GPR155: variants seen among roughly 807,000 people sequenced by gnomAD.
GPR155 encodes G protein-coupled receptor 155.
GPR155 carries 65 observed loss-of-function variants against 93.1 expected under a neutral mutation model. The ratio of observed to expected loss-of-function variants is 0.70; its 90% CI spans 0.57 to 0.86. The LOEUF (loss-of-function observed/expected upper bound fraction) is 0.86. GPR155 is among the 40% of genes least tolerant of loss of function. The probability of loss-of-function intolerance (pLI) is 0.00; values close to 1 mark genes in which losing one functional copy is unlikely to be tolerated. For synonymous variants in GPR155, 319 were observed against 360.1 expected (o/e 0.89, Z 1.29); for missense variants, 838 against 1,034.8 (o/e 0.81, Z 2.61).
In GPR155 at chr2:174,435,098, A is replaced by G. The variant is rs144744235; in HGVS notation, c.*1018T>C. The G allele has an allele frequency of 2.2e-4, 33 of 152,356 alleles. No homozygotes were observed. Among genetic ancestry groups the G allele is most frequent in the African/African-American group, 7.5e-4 (31 of 41,592 alleles). The allele number at this position is 152,356 out of a possible 1,614,324, so 9.4% of individuals were successfully genotyped here. ...ATACACTTGCCAAATTTGATAATTTATAGGAACAGTTAATAGGATATTAAT... is the reference window on the plus strand; with the variant it reads ...ATACACTTGCCAAATTTGATAATTTGTAGGAACAGTTAATAGGATATTAAT... On this transcript the variant is annotated 3_prime_UTR_variant, in exon 16 of 16. Coordinates refer to ENST00000392552, the MANE Select transcript of GPR155 (RefSeq NM_152529.7).
rs546424754 is a variant in GPR155, at chr2:174,434,533, T to C, written c.*1583A>G. On this transcript the variant is annotated 3_prime_UTR_variant, in exon 16 of 16. Transcript: ENST00000392552. ...TGGAGGTTCTTATTCCTTTCCTTAATGGCATAGATTAGTAATTTGGGTAGA... is the reference window on the plus strand; with the variant it reads ...TGGAGGTTCTTATTCCTTTCCTTAACGGCATAGATTAGTAATTTGGGTAGA... The C allele has an allele frequency of 1.1e-4, 17 of 152,192 alleles. No individual in the cohort carries two copies. Among genetic ancestry groups the C allele is most frequent in the African/African-American group, 3.4e-4 (14 of 41,546 alleles). 9.4% of individuals were successfully genotyped at this position (152,192 alleles called of 1,614,324 possible). A position where few individuals can be genotyped will look rare whatever the true frequency, so the allele number is the denominator to read the frequency against.
rs1368806303 is a variant in GPR155 at position 174,432,445 on chromosome 2, A to G, written c.*3671T>C. On this transcript the variant is annotated 3_prime_UTR_variant, in exon 16 of 16. Coordinates refer to ENST00000392552, the MANE Select transcript of GPR155 (RefSeq NM_152529.7). Reference sequence around the variant, plus strand: ...GAAAAAGATATTGCAGATTCCATTCATGCAAATAACAGAAGTAGTATGACT... The same window carrying G: ...GAAAAAGATATTGCAGATTCCATTCGTGCAAATAACAGAAGTAGTATGACT... 4.6e-5 allele frequency: 7 copies of G among 152,602 alleles called. No individual in the cohort carries two copies. Among genetic ancestry groups the G allele is most frequent in the African/African-American group, 1.7e-4 (7 of 41,570 alleles). 9.5% of individuals were successfully genotyped at this position (152,602 alleles called of 1,614,324 possible).
At chr2:174,465,678 T>G in intron 7 of GPR155, 107 bp downstream of exon 7, 1 of 624,986 alleles carries the variant, frequency 1.6e-6, no homozygotes. Context: ...AGTGCATGCC[T>G]TGATCCTGTA....
At chr2:174,454,804 G>GAAAGGAAGGAAAGGGAAGGA (rs1223709471) in intron 10 of GPR155, among the ~76,000 whole-genome samples, 1 of 148,328 alleles carries the variant, frequency 6.7e-6, no homozygotes, top group African/African-American at 2.6e-5. Context: ...GGAAGGAAGG[G>GAAAGGAAGGAAAGGGAAGGA]AAGGGAAGGA....
chr2:174,466,089 C>T (rs1453111714), intron 6 of GPR155, among the ~76,000 whole-genome samples, 187 bp from the exon 7 acceptor site: 1 of 152,088 alleles, frequency 6.6e-6, no homozygotes, highest in Non-Finnish European at 1.5e-5. Context: ...AAACTTCAAA[C>T]TTTATGTTAA....
chr2:174,434,117 C>T lies in GPR155; in HGVS notation c.*1999G>A, dbSNP rs928824110. On this transcript the variant is annotated 3_prime_UTR_variant, in exon 16 of 16. Transcript: ENST00000392552. ...CTGGGATTACAGGTGCACACCACCACACCTGGCTAATTTTTTTTTTTTTTT... is the reference window on the plus strand; with the variant it reads ...CTGGGATTACAGGTGCACACCACCATACCTGGCTAATTTTTTTTTTTTTTT... The T allele has an allele frequency of 2.0e-5, 3 of 149,544 alleles. No homozygotes were observed. The highest frequency in any genetic ancestry group is 2.0e-4 in the Admixed American group (3 of 15,072). The allele number at this position is 149,544 out of a possible 1,614,324, so 9.3% of individuals were successfully genotyped here. A position where few individuals can be genotyped will look rare whatever the true frequency, so the allele number is the denominator to read the frequency against.
intron 10 of GPR155, among the ~76,000 whole-genome samples, chr2:174,459,311 C>G (rs1437643295): frequency 1.3e-5 from 2 of 152,050 alleles, no homozygotes; most frequent in Non-Finnish European, 2.9e-5. Flanking sequence ...CTAGTTAGGG[C>G]CTTCCTTCAG....
At chr2:174,476,992 T>C (rs1363194243) in intron 2 of GPR155, among the ~76,000 whole-genome samples, 1 of 152,176 alleles carries the variant, frequency 6.6e-6, no homozygotes, top group Non-Finnish European at 1.5e-5. Context: ...TAGCCCTCAG[T>C]CCCTGGCATA....
At chr2:174,450,617 T>C (rs906994789) in intron 11 of GPR155, among the ~76,000 whole-genome samples, 1 of 152,222 alleles carries the variant, frequency 6.6e-6, no homozygotes, top group Admixed American at 6.5e-5. Flanking sequence ...TGAGGGACTT[T>C]TCACAGGAAG....
chr2:174,468,612 C>T (rs1250835645), intron 5 of GPR155, among the ~76,000 whole-genome samples: 5 of 152,126 alleles, frequency 3.3e-5, no homozygotes, highest in African/African-American at 1.2e-4. Context: ...TTATTTTATG[C>T]TGGAAAACAG....
intron 3 of GPR155, among the ~76,000 whole-genome samples, chr2:174,471,637 C>T (rs1688002286): frequency 6.6e-6 from 1 of 152,114 alleles, no homozygotes. Context: ...CCTTTAAAAT[C>T]AGCAAGACCA....
intron 5 of GPR155, 69 bp from the exon 6 acceptor site, chr2:174,466,696 A>G (rs928298953): frequency 2.5e-6 from 2 of 789,086 alleles, no homozygotes; most frequent in South Asian, 1.6e-5. Flanking sequence ...AAATAACACA[A>G]TGATTAGCCT....
Position 174,461,598 on chromosome 2 carries a change from ATAT to A in GPR155, c.1456_1458del (p.Ile486del). Reference sequence around the variant, plus strand: ...GAACTACCAACTTACCCCCAGCCAGATATTATGATTATTCCAACAGGAATTTGT... The same window carrying A: ...GAACTACCAACTTACCCCCAGCCAGATATGATTATTCCAACAGGAATTTGT... On this transcript the variant is annotated inframe_deletion, in exon 8 of 16. Coordinates refer to ENST00000392552, the MANE Select transcript of GPR155 (RefSeq NM_152529.7). The A allele has an allele frequency of 6.8e-6, 11 of 1,608,206 alleles. No homozygotes were observed. The highest frequency in any genetic ancestry group is 8.5e-6 in the Non-Finnish European group (10 of 1,174,726).
At chr2:174,466,259 A>G (rs1687834484) in intron 6 of GPR155, among the ~76,000 whole-genome samples, 1 of 152,196 alleles carries the variant, frequency 6.6e-6, no homozygotes, top group South Asian at 2.1e-4. Context: ...GATTAATTAG[A>G]AAAATGATTG....
chr2:174,463,023 T>C (rs1379734005), intron 7 of GPR155, among the ~76,000 whole-genome samples: 1 of 152,118 alleles, frequency 6.6e-6, no homozygotes, highest in African/African-American at 2.4e-5. Flanking sequence ...GTTTCTTGAA[T>C]CAGTTTCTCA....
chr2:174,449,371 T>C (rs62175266), intron 11 of GPR155, among the ~76,000 whole-genome samples: 35,298 of 152,052 alleles, frequency 0.23, 5,581 homozygotes, highest in East Asian at 0.68. Flanking sequence ...AGCAATCCCA[T>C]TACTGGGTAC....
intron 3 of GPR155, 28 bp downstream of exon 3, chr2:174,472,937 A>G (rs368213229): frequency 7.7e-6 from 12 of 1,562,896 alleles, no homozygotes; most frequent in South Asian, 2.4e-5. Flanking sequence ...AAAAAGTACA[A>G]TTCTCAAGTT....
intron 2 of GPR155, among the ~76,000 whole-genome samples, chr2:174,478,287 A>C (rs1356811931): frequency 6.6e-6 from 1 of 152,210 alleles, no homozygotes; most frequent in Non-Finnish European, 1.5e-5. Flanking sequence ...GCTGGAGTAC[A>C]GTAGCCATCT....
In GPR155 at chr2:174,481,252, G is replaced by A. The variant is rs139385325; in HGVS notation, c.460+245C>T. On this transcript the variant is annotated intron_variant, in intron 2 of 15. Coordinates refer to ENST00000392552, the MANE Select transcript of GPR155 (RefSeq NM_152529.7). ...TAAGCTTCTTTCATATGTGCTTACC[G>A]GGAAGAAAAAAATACAATTAGGACT... Among the ~76,000 whole-genome samples, 1,390 of 151,956 alleles carry A rather than the reference G, an allele frequency of 9.1e-3. 21 individuals are homozygous for A. Among genetic ancestry groups the A allele is most frequent in the African/African-American group, 0.032 (1,332 of 41,434 alleles).
Sources: allele counts gnomAD v4.1 joint callset (sites outside exome capture counted in the v4.1 genomes callset), GRCh38; gene constraint gnomAD v4.1.1; transcripts MANE v1.5; gene names NCBI Gene and HGNC (gene_info 2026-07-23, HGNC 2026-07-21).